Variants in SLC36A1 observed in about 807,000 individuals in gnomAD.
SLC36A1 encodes proton-coupled amino acid transporter 1.
In SLC36A1, 30 loss-of-function variants were observed where a neutral mutation model predicts 47.5. The ratio of observed to expected loss-of-function variants is 0.63; its 90% CI spans 0.47 to 0.86. The LOEUF (loss-of-function observed/expected upper bound fraction) is 0.86, where lower values mean the gene tolerates loss of function less well. SLC36A1 is among the 40% of genes least tolerant of loss of function. The probability of loss-of-function intolerance (pLI) is 0.00; values close to 1 mark genes in which losing one functional copy is unlikely to be tolerated. For missense variants in SLC36A1, 517 were observed against 606.0 expected (o/e 0.85, Z 1.54); for synonymous variants, 255 against 249.7 (o/e 1.02, Z -0.20).
intron 1 of SLC36A1, 194 bp downstream of exon 1, chr5:151,448,007 G>A (rs1326652733): frequency 1.3e-5 from 2 of 152,334 alleles, no homozygotes; most frequent in African/African-American, 4.8e-5. Flanking sequence ...GGGGAAACTG[G>A]GGTAGATGGT....
the SLC36A1 span, among the ~76,000 whole-genome samples, chr5:151,424,857 CAG>C: frequency 0.059 from 8,900 of 152,112 alleles, 609 homozygotes; most frequent in East Asian, 0.16. Context: ...TGTAAATAAA[CAG>C]AAAGTTTTTA....
At chr5:151,360,675 T>C in the SLC36A1 span, among the ~76,000 whole-genome samples, 31,874 of 152,098 alleles carry the variant, frequency 0.21, 3,459 homozygotes, top group Non-Finnish European at 0.23. Context: ...TTCTGTCCTT[T>C]GCTTTAGTTT....
chr5:151,368,740 C>T, the SLC36A1 span, among the ~76,000 whole-genome samples: 1 of 152,094 alleles, frequency 6.6e-6, no homozygotes, highest in Non-Finnish European at 1.5e-5. Context: ...ATGGGGAGTT[C>T]CCATCCTAAG....
chr5:151,438,057 A>C (rs1287836155), intron 1 of SLC36A1, among the ~76,000 whole-genome samples: 2 of 152,194 alleles, frequency 1.3e-5, no homozygotes, highest in Non-Finnish European at 2.9e-5. Context: ...ATAATCCAGC[A>C]TAGTCATTTC....
At chr5:151,396,137 A>G in the SLC36A1 span, among the ~76,000 whole-genome samples, 1 of 148,074 alleles carries the variant, frequency 6.8e-6, no homozygotes, top group Admixed American at 6.8e-5. Flanking sequence ...TCTTCTTACT[A>G]TTATTATTAT....
At chr5:151,428,012 C>T in the SLC36A1 span, among the ~76,000 whole-genome samples, 1 of 152,186 alleles carries the variant, frequency 6.6e-6, no homozygotes, top group Non-Finnish European at 1.5e-5. Flanking sequence ...GACACAGCTA[C>T]AGCCTCGTGC....
At chr5:151,482,910 G>A (rs953325324) in intron 10 of SLC36A1, among the ~76,000 whole-genome samples, 2 of 152,176 alleles carry the variant, frequency 1.3e-5, no homozygotes, top group Non-Finnish European at 2.9e-5. Flanking sequence ...GGTGGCAGGT[G>A]CCTGTAGTCC....
the SLC36A1 span, among the ~76,000 whole-genome samples, chr5:151,552,412 A>G: frequency 1.4e-4 from 22 of 152,332 alleles, no homozygotes; most frequent in African/African-American, 5.3e-4. Context: ...GCTTGGGTCA[A>G]GGGCATATAT....
In SLC36A1 at chr5:151,464,566, G is replaced by A; in HGVS notation, c.287G>A (p.Gly96Asp). 1.9e-6 allele frequency: 3 copies of A among 1,614,072 alleles called. No individual in the cohort carries two copies. Among genetic ancestry groups the A allele is most frequent in the Non-Finnish European group, 2.5e-6 (3 of 1,180,032 alleles). The change falls in exon 4 of 11, where the codon GGT (glycine) becomes GAT (aspartate). Residue 96 changes from glycine to aspartate, a missense_variant. Coordinates refer to ENST00000243389, the MANE Select transcript of SLC36A1 (RefSeq NM_078483.4). The part of the protein sequence containing the change: ...IIGIVAVHCM[G>D]ILVKCAHHFC... ...GGCATCGTGGCCGTGCACTGCATGG[G>A]TATCCTGGTGAAATGTGCTCACCAC...
chr5:151,539,060 C>A, the SLC36A1 span, among the ~76,000 whole-genome samples: 14 of 152,100 alleles, frequency 9.2e-5, no homozygotes, highest in South Asian at 2.9e-3. Context: ...CCAGGGTGAG[C>A]CTGATCTCAG....
the SLC36A1 span, among the ~76,000 whole-genome samples, chr5:151,519,342 TCAAAAA>T: frequency 6.6e-6 from 1 of 152,150 alleles, no homozygotes; most frequent in African/African-American, 2.4e-5. Context: ...AGACTTCATC[TCAAAAA>T]CAAAAACAAA....
At chr5:151,517,223 A>T in the SLC36A1 span, among the ~76,000 whole-genome samples, 4 of 152,230 alleles carry the variant, frequency 2.6e-5, no homozygotes, top group African/African-American at 9.6e-5. Flanking sequence ...AATGATTATT[A>T]CAAAGGAAAT....
the SLC36A1 span, chr5:151,545,383 G>A: frequency 1.2e-6 from 2 of 1,614,166 alleles, no homozygotes; most frequent in Non-Finnish European, 1.7e-6. Flanking sequence ...GATGGTAACA[G>A]CTTCATCAGC....
chr5:151,347,358 A>G, the SLC36A1 span: 1 of 1,614,256 alleles, frequency 6.2e-7, no homozygotes, highest in Non-Finnish European at 8.5e-7. Context: ...AAGAATGTAG[A>G]GTCCTTGTTC....
rs1348122798 is a variant in SLC36A1 at position 151,488,111 on chromosome 5, A to G, written c.1288A>G (p.Ser430Gly). Reference protein sequence around the residue: ...EVTTFYSEGMSPLTIFKDALI... With the variant: ...EVTTFYSEGMGPLTIFKDALI... ...CACCACCTTCTACTCAGAGGGCATG[A>G]GCCCCCTCACCATCTTTAAGGACGC... The change falls in exon 11 of 11, where the codon AGC becomes GGC. Residue 430 changes from serine to glycine, a missense_variant. Physicochemically the swap from Ser to Gly is moderately conservative, Grantham distance 56. Transcript: ENST00000243389. The G allele has an allele frequency of 1.2e-6, 2 of 1,614,002 alleles. No individual in the cohort carries two copies. The highest frequency in any genetic ancestry group is 1.7e-6 in the Non-Finnish European group (2 of 1,180,014).
chr5:151,534,338 AG>A, the SLC36A1 span: 3 of 1,266,068 alleles, frequency 2.4e-6, no homozygotes, highest in East Asian at 7.6e-5. Context: ...AGAGACACAA[AG>A]GGGACCAAAC....
the SLC36A1 span, among the ~76,000 whole-genome samples, chr5:151,385,958 G>A: frequency 1.3e-5 from 2 of 148,854 alleles, no homozygotes; most frequent in South Asian, 2.1e-4. Flanking sequence ...TGCAACCTCC[G>A]CCTCCCAGGT....
chr5:151,438,522 T>C (rs1459185639), intron 1 of SLC36A1, among the ~76,000 whole-genome samples: 2 of 152,222 alleles, frequency 1.3e-5, no homozygotes, highest in Non-Finnish European at 2.9e-5. Context: ...CTTCCTTATG[T>C]TAAAGCAATA....
chr5:151,463,436 A>G (rs963996217), intron 2 of SLC36A1, 117 bp from the exon 3 acceptor site: 1 of 792,124 alleles, frequency 1.3e-6, no homozygotes, highest in Admixed American at 2.2e-5. Context: ...ATCATCTATA[A>G]GATAAAATCT....
Sources: gnomAD v4.1 joint callset for allele counts (sites outside exome capture counted in the v4.1 genomes callset) on GRCh38, gnomAD v4.1.1 for gene constraint, MANE v1.5 for transcripts, NCBI Gene and HGNC (gene_info 2026-07-23, HGNC 2026-07-21) for gene names.